The following IRAG2 variants were observed in gnomAD, a reference collection of about 807,000 sequenced individuals.
IRAG2 encodes inositol 1,4,5-triphosphate receptor associated 2, also known as lymphoid restricted membrane protein.
Under a neutral mutation model 69.9 loss-of-function variants are expected in IRAG2, and 45 were observed. The observed-to-expected ratio is 0.64, with a 90% CI of 0.51 to 0.83. The LOEUF (loss-of-function observed/expected upper bound fraction) is 0.83. Ranked by LOEUF, IRAG2 falls within the 40% of genes least tolerant of loss-of-function variation. The pLI is 0.00. For synonymous variants in IRAG2, 193 were observed against 202.4 expected, an observed-to-expected ratio of 0.95 and a Z score of 0.40; for missense variants, 520 against 587.0, an observed-to-expected ratio of 0.89 and a Z score of 1.18.
chr12:25,094,887 G>A (rs1018561608), intron 14 of IRAG2, among the ~76,000 whole-genome samples: 5 of 152,072 alleles, frequency 3.3e-5, no homozygotes, highest in African/African-American at 9.7e-5. Flanking sequence ...TTGTTAGTGT[G>A]TAGAAAGACA....
rs146946571 is a variant in IRAG2, at chr12:25,028,821, T to C, written c.1462-1457T>C. On this transcript the variant is annotated intron_variant, in intron 9 of 38. Transcript: ENST00000636465. ...TCCTAGCAGAAACTAACATTTCATG[T>C]GTGTGTTTACATATATATGTAAAAC... 2.1e-4 allele frequency among the ~76,000 whole-genome samples: 32 copies of C among 152,374 alleles called. 1 individual carries two copies. In the East Asian group the frequency reaches 6.2e-3, roughly 29 times the overall value.
intron 14 of IRAG2, 158 bp from the exon 15 acceptor site, chr12:25,096,742 GATAATAATAT>G (rs1317595769): frequency 1.6e-5 from 8 of 512,414 alleles, no homozygotes; most frequent in Non-Finnish European, 2.7e-5. Flanking sequence ...ACCCAAAAAA[GATAATAATAT>G]ATCAGTATCA....
chr12:25,084,530 T>C (rs2140135146), intron 10 of IRAG2, among the ~76,000 whole-genome samples: 1 of 147,246 alleles, frequency 6.8e-6, no homozygotes. Context: ...CTATGTTGTA[T>C]GCATGGAGGG....
chr12:25,022,018 T>C (rs1333682342), intron 7 of IRAG2, among the ~76,000 whole-genome samples: 1 of 152,204 alleles, frequency 6.6e-6, no homozygotes, highest in African/African-American at 2.4e-5. Context: ...GGAGTCAGAC[T>C]GCCTTCCTTC....
chr12:25,040,512 A>T (rs1344389595), intron 16 of IRAG2, among the ~76,000 whole-genome samples: 1 of 152,188 alleles, frequency 6.6e-6, no homozygotes, highest in Non-Finnish European at 1.5e-5. Flanking sequence ...CCTCTTAAAA[A>T]AAAAGAGAGA....
chr12:25,104,432 C>T lies in IRAG2; in HGVS notation c.1118C>T (p.Ala373Val). The T allele has an allele frequency of 6.2e-7, 1 of 1,612,368 alleles. No homozygotes were observed. The highest frequency in any genetic ancestry group is 8.5e-7 in the Non-Finnish European group (1 of 1,178,494). ...CGATTTATTAGCACCTATTCCTGGGCAGATGCTGAAGAAGAAAAATGTGAA... is the reference window on the plus strand; with the variant it reads ...CGATTTATTAGCACCTATTCCTGGGTAGATGCTGAAGAAGAAAAATGTGAA... Reference protein sequence around the residue: ...LPRFISTYSWADAEEEKCELK... With the variant: ...LPRFISTYSWVDAEEEKCELK... The change falls in exon 20 of 22, where the codon GCA (alanine) becomes GTA (valine). Residue 373 changes from alanine (A) to valine (V), a missense_variant. By Grantham distance (64) the Ala-to-Val change is moderately conservative. Coordinates refer to ENST00000556887, the MANE Select transcript of IRAG2 (RefSeq NM_001366544.2).
intron 15 of IRAG2, among the ~76,000 whole-genome samples, chr12:25,098,473 G>T (rs1017444552): frequency 2.0e-5 from 3 of 152,188 alleles, no homozygotes. Flanking sequence ...ACACTCCCTT[G>T]CTCTTGTTCC....
intron 21 of IRAG2, among the ~76,000 whole-genome samples, chr12:25,107,405 GGA>G (rs967946542): frequency 1.1e-4 from 17 of 152,260 alleles, no homozygotes; most frequent in Admixed American, 9.8e-4. Flanking sequence ...GGCATCCACT[GGA>G]GGTCTTGGAG....
chr12:25,025,494 G>T (rs1285165278), intron 8 of IRAG2, among the ~76,000 whole-genome samples: 2 of 151,880 alleles, frequency 1.3e-5, no homozygotes, highest in Non-Finnish European at 2.9e-5. Flanking sequence ...TAAGGACTCT[G>T]TCTTTTTTTA....
rs565763749 is a variant in IRAG2, at chr12:25,060,383, A to G, written c.-446-1209A>G. Among the ~76,000 whole-genome samples, 3 of 152,266 alleles carry G rather than the reference A, an allele frequency of 2.0e-5. No homozygotes were observed. In the East Asian group the frequency reaches 5.8e-4, roughly 29 times the overall value. ...ACTTTTCCCCCATTTCCATTATTCC[A>G]GGCATAAGACCTTTAGAGATTTTAC... On this transcript the variant is annotated intron_variant, in intron 1 of 21. Transcript: ENST00000556887.
At chr12:25,017,475 T>C (rs1225419370) in intron 6 of IRAG2, among the ~76,000 whole-genome samples, 3 of 152,138 alleles carry the variant, frequency 2.0e-5, no homozygotes, top group African/African-American at 7.2e-5. Context: ...CCCAGCACTT[T>C]GGGAGACCAA....
At chr12:25,044,140 GTGTT>G (rs1353011849) in intron 16 of IRAG2, among the ~76,000 whole-genome samples, 1 of 152,046 alleles carries the variant, frequency 6.6e-6, no homozygotes, top group Non-Finnish European at 1.5e-5. Context: ...CAATAATAAA[GTGTT>G]TGAAGGAGAG....
chr12:25,010,827 A>G (rs1944468463), intron 2 of IRAG2, among the ~76,000 whole-genome samples: 1 of 152,232 alleles, frequency 6.6e-6, no homozygotes, highest in Non-Finnish European at 1.5e-5. Flanking sequence ...TGGTGTGTCA[A>G]TGACTAACAT....
intron 1 of IRAG2, among the ~76,000 whole-genome samples, chr12:25,058,235 T>G (rs943195346): frequency 6.6e-6 from 1 of 152,222 alleles, no homozygotes; most frequent in Non-Finnish European, 1.5e-5. Flanking sequence ...GGTTTTAGTG[T>G]TCCACATCTT....
chr12:25,021,339 A>G (rs760767297), intron 7 of IRAG2, among the ~76,000 whole-genome samples: 9 of 151,998 alleles, frequency 5.9e-5, no homozygotes, highest in Non-Finnish European at 1.0e-4. Flanking sequence ...CTGAAAACCC[A>G]GAAAATATCT....
upstream of IRAG2, among the ~76,000 whole-genome samples, chr12:25,047,580 C>T (rs1944805087): frequency 6.6e-6 from 1 of 152,250 alleles, no homozygotes; most frequent in East Asian, 1.9e-4. Context: ...TTAAGCCCAG[C>T]ATCCATTTGC....
At chr12:25,073,311 CATG>C (rs2140051366) in intron 6 of IRAG2, among the ~76,000 whole-genome samples, 1 of 152,304 alleles carries the variant, frequency 6.6e-6, no homozygotes, top group South Asian at 2.1e-4. Flanking sequence ...AACCAATGCG[CATG>C]TAGCACCCTG....
At chr12:25,058,683 G>A (rs1030925256) in intron 1 of IRAG2, among the ~76,000 whole-genome samples, 2 of 152,148 alleles carry the variant, frequency 1.3e-5, no homozygotes, top group Admixed American at 6.5e-5. Context: ...TGGGGCCTTT[G>A]CCTGAGACCT....
rs149381493 is a variant in IRAG2 at position 25,100,435 on chromosome 12, C to T, written c.742-743C>T. On this transcript the variant is annotated intron_variant, in intron 15 of 21. Transcript: ENST00000556887. ...GAAAACAGGCACTCAGATACTTGTA[C>T]ACAAATATTCATAGGACTATGAACA... Among the ~76,000 whole-genome samples the T allele has an allele frequency of 2.7e-3, 416 of 152,280 alleles. 1 individual carries two copies. Among genetic ancestry groups the T allele is most frequent in the African/African-American group, 9.4e-3 (389 of 41,546 alleles).
Sources: allele counts gnomAD v4.1 joint callset (sites outside exome capture counted in the v4.1 genomes callset), GRCh38; gene constraint gnomAD v4.1.1; transcripts MANE v1.5; gene names NCBI Gene and HGNC (gene_info 2026-07-23, HGNC 2026-07-21).